The following PEBP4 variants were observed in gnomAD, a reference collection of about 807,000 sequenced individuals.
PEBP4 encodes phosphatidylethanolamine-binding protein 4.
A neutral mutation model predicts 23.9 loss-of-function variants in PEBP4; 22 were observed. The ratio of observed to expected loss-of-function variants is 0.92; its 90% CI spans 0.66 to 1.31. PEBP4 has a LOEUF of 1.31. PEBP4 is among the 40% of genes most tolerant of loss of function. The pLI, the probability that PEBP4 is intolerant of heterozygous loss-of-function variation, is 0.00. For synonymous variants in PEBP4, 112 were observed against 99.3 expected, an observed-to-expected ratio of 1.13 and a Z score of -0.76; for missense variants, 324 against 281.7, an observed-to-expected ratio of 1.15 and a Z score of -1.07.
intron 2 of PEBP4, among the ~76,000 whole-genome samples, chr8:22,920,604 A>G (rs989449170): frequency 6.6e-6 from 1 of 152,248 alleles, no homozygotes; most frequent in South Asian, 2.1e-4. Context: ...AAAGTATAAT[A>G]TTAATTATCA....
In PEBP4 at chr8:22,761,777, C is replaced by T. The variant is rs1316193912; in HGVS notation, c.358-34557G>A. ...GTTCTTTTTATAGTATGTTGCTGGG[C>T]TCTGTGTTTTTCTGTCTCCTTCTTT... is the stretch of plus-strand genomic sequence containing the variant. On this transcript the variant is annotated intron_variant, in intron 4 of 6. Transcript: ENST00000256404. 3.3e-5 allele frequency among the ~76,000 whole-genome samples: 5 copies of T among 152,186 alleles called. No homozygotes were observed. The South Asian group carries it at 1.0e-3, about 32-fold the overall frequency.
chr8:22,742,577 C>A (rs140284571), intron 4 of PEBP4, among the ~76,000 whole-genome samples: 349 of 152,284 alleles, frequency 2.3e-3, no homozygotes, highest in African/African-American at 7.8e-3. Flanking sequence ...AAGGGGAGTG[C>A]TGTCTAGCTG....
At chr8:22,715,008 G>A (rs1804383506) in intron 6 of PEBP4, among the ~76,000 whole-genome samples, 1 of 152,218 alleles carries the variant, frequency 6.6e-6, no homozygotes, top group Admixed American at 6.5e-5. Flanking sequence ...AAAAAGGGAG[G>A]ACTGTTCCCA....
intron 4 of PEBP4, among the ~76,000 whole-genome samples, chr8:22,749,748 G>A (rs1252092006): frequency 6.6e-6 from 1 of 150,526 alleles, no homozygotes; most frequent in Non-Finnish European, 1.5e-5. Context: ...CATAGGACCA[G>A]TCACGGGCAG....
At chr8:22,936,667 G>A (rs1809544930) in intron 1 of PEBP4, among the ~76,000 whole-genome samples, 1 of 152,012 alleles carries the variant, frequency 6.6e-6, no homozygotes, top group Non-Finnish European at 1.5e-5. Flanking sequence ...AAACCACAAA[G>A]CAATATCCCT....
rs547667037 is a variant in PEBP4, at chr8:22,900,605, T to C, written c.258+19579A>G. Among the ~76,000 whole-genome samples, 5 of 150,428 alleles carry C rather than the reference T, an allele frequency of 3.3e-5. No individual in the cohort carries two copies. The South Asian group carries it at 1.1e-3, about 32-fold the overall frequency. On this transcript the variant is annotated intron_variant, in intron 3 of 6. Coordinates refer to ENST00000256404, the MANE Select transcript of PEBP4 (RefSeq NM_144962.3). ...CAGAGGTTGCAGTGAGCCAAGATCA[T>C]GCCACGGTACTCCAGCCTGGGTAAT... is the stretch of plus-strand genomic sequence containing the variant.
intron 4 of PEBP4, among the ~76,000 whole-genome samples, chr8:22,807,394 G>A (rs1163750166): frequency 3.3e-5 from 5 of 152,082 alleles, no homozygotes; most frequent in Non-Finnish European, 5.9e-5. Flanking sequence ...TGAGATACTG[G>A]GGAATCACTG....
intron 4 of PEBP4, chr8:22,754,682 G>A (rs569188503): frequency 6.6e-6 from 1 of 152,352 alleles, no homozygotes; most frequent in East Asian, 1.9e-4. Flanking sequence ...CCCTCCACAT[G>A]AAGCTGTCAT....
chr8:22,844,185 G>A (rs751905089), intron 3 of PEBP4, among the ~76,000 whole-genome samples: 1 of 152,328 alleles, frequency 6.6e-6, no homozygotes, highest in African/African-American at 2.4e-5. Context: ...AAATTAGGAC[G>A]AGACTGTACT....
At chr8:22,783,500 T>C (rs1476523939) in intron 4 of PEBP4, among the ~76,000 whole-genome samples, 1 of 152,212 alleles carries the variant, frequency 6.6e-6, no homozygotes, top group East Asian at 1.9e-4. Flanking sequence ...GGCTTTCTTA[T>C]GGCGGTGGCC....
At chr8:22,830,113 T>TTGTGTGTGTGTGTGTGTG (rs3060706) in intron 3 of PEBP4, among the ~76,000 whole-genome samples, 145 of 144,248 alleles carry the variant, frequency 1.0e-3, no homozygotes, top group African/African-American at 3.0e-3. Flanking sequence ...GGCTGTGGTT[T>TTGTGTGTGTGTGTGTGTG]TGTGTGTGTG....
At chr8:22,752,470 A>T (rs1461922250) in intron 4 of PEBP4, among the ~76,000 whole-genome samples, 1 of 152,184 alleles carries the variant, frequency 6.6e-6, no homozygotes, top group East Asian at 1.9e-4. Flanking sequence ...GCCCAAATCC[A>T]CACCCTTGGT....
intron 2 of PEBP4, among the ~76,000 whole-genome samples, chr8:22,927,269 C>G (rs1291464090): frequency 2.7e-5 from 4 of 148,196 alleles, no homozygotes; most frequent in Non-Finnish European, 5.9e-5. Flanking sequence ...CTCTCTGGGT[C>G]TCTCTCTGAG....
At chr8:22,925,337 T>C (rs1809304009) in intron 2 of PEBP4, 1 of 985,218 alleles carries the variant, frequency 1.0e-6, no homozygotes, top group African/African-American at 1.7e-5. Context: ...GCCCTGAACC[T>C]GGGGTGAAGG....
At chr8:22,903,272 G>A (rs1398869943) in intron 3 of PEBP4, among the ~76,000 whole-genome samples, 2 of 152,170 alleles carry the variant, frequency 1.3e-5, no homozygotes, top group African/African-American at 4.8e-5. Context: ...GTGTGACCTT[G>A]GACAAGTTGC....
At chr8:22,855,810 G>A (rs1382685243) in intron 3 of PEBP4, among the ~76,000 whole-genome samples, 1 of 152,072 alleles carries the variant, frequency 6.6e-6, no homozygotes, top group Non-Finnish European at 1.5e-5. Context: ...GGAGGCCAAA[G>A]CGGAAGAATT....
chr8:22,714,633 G>A (rs537545533), intron 6 of PEBP4, among the ~76,000 whole-genome samples: 7 of 151,882 alleles, frequency 4.6e-5, no homozygotes, highest in Non-Finnish European at 8.8e-5. Context: ...GGCAGTGGTC[G>A]ATACACAGTG....
chr8:22,920,549 G>A (rs1266382277), intron 2 of PEBP4, among the ~76,000 whole-genome samples: 1 of 152,150 alleles, frequency 6.6e-6, no homozygotes, highest in Non-Finnish European at 1.5e-5. Context: ...AAGAAAAGTG[G>A]CGGTCAATGG....
intron 4 of PEBP4, among the ~76,000 whole-genome samples, chr8:22,768,622 G>A (rs1416551861): frequency 6.6e-6 from 1 of 152,138 alleles, no homozygotes; most frequent in Admixed American, 6.5e-5. Flanking sequence ...GCCTCGGGTG[G>A]GGCCTCGGCC....
Sources: allele counts gnomAD v4.1 joint callset (sites outside exome capture counted in the v4.1 genomes callset), GRCh38; gene constraint gnomAD v4.1.1; transcripts MANE v1.5; gene names NCBI Gene and HGNC (gene_info 2026-07-23, HGNC 2026-07-21).